Variants in WDR64 observed in about 807,000 individuals in gnomAD.
WDR64 encodes the protein WD repeat-containing protein 64.
WDR64 carries 112 observed loss-of-function variants against 139.3 expected under a neutral mutation model. The observed-to-expected ratio is 0.80, with a 90% CI of 0.69 to 0.94. The LOEUF is 0.94. Among genes scored for constraint, WDR64 ranks in the 40% least tolerant of loss-of-function variants. The pLI, the probability that WDR64 is intolerant of heterozygous loss-of-function variation, is 0.00. For missense variants in WDR64, 1,206 were observed against 1,293.1 expected, an observed-to-expected ratio of 0.93 and a Z score of 1.03; for synonymous variants, 444 against 437.7, an observed-to-expected ratio of 1.01 and a Z score of -0.18.
Position 241,741,517 on chromosome 1 carries a change from A to C in WDR64, c.1323A>C (p.Gly441=). 1 of 1,600,594 alleles carries C rather than the reference A, an allele frequency of 6.2e-7. No individual in the cohort carries two copies. The highest frequency in any genetic ancestry group is 1.8e-5 in the Admixed American group (1 of 56,390). Residue 441 remains glycine (G), a splice_region_variant and synonymous_variant, in exon 12 of 28, where the codon GGA becomes GGC. Coordinates refer to ENST00000437684, the MANE Select transcript of WDR64 (RefSeq NM_001367482.1). ...ATGAGATTCTTACTTCTGTTCCAGG[A>C]TCTAGTGTTATGGACATGTATCCTT... ...YDANHGMLIT[G]SSVMDMYPLT...
chr1:241,760,924 C>T (rs1219777279), intron 15 of WDR64, among the ~76,000 whole-genome samples: 2 of 151,914 alleles, frequency 1.3e-5, no homozygotes, highest in Non-Finnish European at 1.5e-5. Flanking sequence ...CACCACCACG[C>T]CCGGCTAGTT....
chr1:241,744,523 C>T lies in WDR64; in HGVS notation c.1594+7C>T, dbSNP rs1477991147. ...GCCACAGGAGCGTATAATGGTCAGA[C>T]TAACATCCAGAATGTGGCGTCCCTG... is the stretch of plus-strand genomic sequence containing the variant. On this transcript the variant is annotated splice_region_variant and intron_variant, in intron 13 of 27. Transcript: ENST00000437684. 4 of 1,612,392 alleles carry T rather than the reference C, an allele frequency of 2.5e-6. No homozygotes were observed. In the East Asian group the frequency reaches 8.9e-5, roughly 36 times the overall value.
chr1:241,694,686 T>C (rs1277228530), intron 8 of WDR64, among the ~76,000 whole-genome samples: 2 of 152,196 alleles, frequency 1.3e-5, no homozygotes, highest in Non-Finnish European at 2.9e-5. Context: ...AGAAGACATA[T>C]TCTACTTCAA....
chr1:241,762,496 T>C (rs1416549248), intron 15 of WDR64, among the ~76,000 whole-genome samples: 3 of 152,310 alleles, frequency 2.0e-5, no homozygotes, highest in Non-Finnish European at 2.9e-5. Flanking sequence ...AAACTGTACC[T>C]TTTTGTTCCC....
chr1:241,673,831 T>A (rs947461784), intron 3 of WDR64, among the ~76,000 whole-genome samples: 1 of 152,218 alleles, frequency 6.6e-6, no homozygotes, highest in Non-Finnish European at 1.5e-5. Flanking sequence ...AGTCTTTTTT[T>A]TTCAAAATGC....
intron 8 of WDR64, among the ~76,000 whole-genome samples, chr1:241,696,729 C>T (rs564440786): frequency 6.6e-6 from 1 of 152,096 alleles, no homozygotes; most frequent in African/African-American, 2.4e-5. Flanking sequence ...GTGAGGATGA[C>T]CAGAGGTCAC....
chr1:241,795,191 T>A lies in WDR64; in HGVS notation c.2998-16T>A, dbSNP rs760609336. The A allele has an allele frequency of 2.5e-6, 4 of 1,611,912 alleles. No homozygotes were observed. Among genetic ancestry groups the A allele is most frequent in the East Asian group, 4.5e-5 (2 of 44,810 alleles). Reference sequence around the variant, plus strand: ...ATGTGCCCCTTTCATTAAACATTCATCCCTTTGTTTTGCAGATTCGAAGAT... The same window carrying A: ...ATGTGCCCCTTTCATTAAACATTCAACCCTTTGTTTTGCAGATTCGAAGAT... On this transcript the variant is annotated splice_polypyrimidine_tract_variant and intron_variant, in intron 25 of 27. Coordinates refer to ENST00000437684, the MANE Select transcript of WDR64 (RefSeq NM_001367482.1).
Position 241,801,756 on chromosome 1 carries a change from C to T in WDR64, c.*541C>T, listed in dbSNP as rs1659530031. ...GAAATTATTTCTATGTAGTCCAGACCTGACTCCAGATAAATATAAAAGACG... is the reference window on the plus strand; with the variant it reads ...GAAATTATTTCTATGTAGTCCAGACTTGACTCCAGATAAATATAAAAGACG... On this transcript the variant is annotated 3_prime_UTR_variant, in exon 28 of 28. Transcript: ENST00000437684. The T allele has an allele frequency of 5.0e-6, 2 of 398,072 alleles. No homozygotes were observed. The highest frequency in any genetic ancestry group is 1.3e-4 in the South Asian group (1 of 7,850). 24.7% of individuals were successfully genotyped at this position (398,072 alleles called of 1,614,324 possible). A position where few individuals can be genotyped will look rare whatever the true frequency, so the allele number is the denominator to read the frequency against.
chr1:241,661,766 G>A (rs1347215015), intron 2 of WDR64, among the ~76,000 whole-genome samples: 1 of 152,140 alleles, frequency 6.6e-6, no homozygotes, highest in African/African-American at 2.4e-5. Flanking sequence ...AACAAGTCAG[G>A]GGAGAAAAAA....
chr1:241,796,050 C>T (rs1305094455), intron 26 of WDR64, among the ~76,000 whole-genome samples: 1 of 151,944 alleles, frequency 6.6e-6, no homozygotes, highest in African/African-American at 2.4e-5. Context: ...AAATTTGAGA[C>T]CAGCCTGGGC....
At chr1:241,657,596 C>T (rs1665659783) in intron 1 of WDR64, among the ~76,000 whole-genome samples, 1 of 152,138 alleles carries the variant, frequency 6.6e-6, no homozygotes, top group African/African-American at 2.4e-5. Context: ...TTCTATGTGG[C>T]TGACCCTTTT....
At chr1:241,768,522 C>T (rs549597604) in intron 16 of WDR64, among the ~76,000 whole-genome samples, 8 of 152,312 alleles carry the variant, frequency 5.3e-5, no homozygotes, top group African/African-American at 1.7e-4. Flanking sequence ...TAATAATCCA[C>T]TTCATGATTC....
chr1:241,668,520 C>T (rs1474242641), intron 2 of WDR64, among the ~76,000 whole-genome samples: 3 of 152,052 alleles, frequency 2.0e-5, no homozygotes, highest in Non-Finnish European at 4.4e-5. Context: ...ATATAACTTT[C>T]CCAGCAAAGT....
chr1:241,761,672 T>C (rs944981728), intron 15 of WDR64, among the ~76,000 whole-genome samples: 1 of 152,128 alleles, frequency 6.6e-6, no homozygotes, highest in Non-Finnish European at 1.5e-5. Flanking sequence ...CACAGTAAAA[T>C]TTCTTTCAAA....
chr1:241,661,876 G>T (rs1470715364), intron 2 of WDR64, among the ~76,000 whole-genome samples: 1 of 152,204 alleles, frequency 6.6e-6, no homozygotes, highest in Non-Finnish European at 1.5e-5. Context: ...CTGGAACACA[G>T]CAATGCTCAC....
At chr1:241,681,166 G>T (rs1666775841) in intron 6 of WDR64, among the ~76,000 whole-genome samples, 1 of 151,746 alleles carries the variant, frequency 6.6e-6, no homozygotes, top group Middle Eastern at 3.4e-3. Context: ...GTGGTATTTG[G>T]TTACATGAGT....
At chr1:241,706,779 A>G (rs1437273496) in intron 8 of WDR64, among the ~76,000 whole-genome samples, 1 of 152,174 alleles carries the variant, frequency 6.6e-6, no homozygotes, top group Non-Finnish European at 1.5e-5. Context: ...AATTTTTAAA[A>G]ATCAAATTTT....
At position 241,728,158 on chromosome 1, in the gene WDR64, C is replaced by T. The variant is rs567026497; in HGVS notation, c.1194+4722C>T. On this transcript the variant is annotated intron_variant, in intron 10 of 27. Coordinates refer to ENST00000437684, the MANE Select transcript of WDR64 (RefSeq NM_001367482.1). Reference sequence around the variant, plus strand: ...GATCAGCCTGGCCAACATGGTGGAACCCTGTCACTACTAAAACTACAAAAA... The same window carrying T: ...GATCAGCCTGGCCAACATGGTGGAATCCTGTCACTACTAAAACTACAAAAA... 3.3e-5 allele frequency among the ~76,000 whole-genome samples: 5 copies of T among 152,038 alleles called. No individual in the cohort carries two copies. The East Asian group carries it at 9.7e-4, about 29-fold the overall frequency.
At chr1:241,765,556 G>A (rs974082904) in intron 15 of WDR64, among the ~76,000 whole-genome samples, 3 of 152,284 alleles carry the variant, frequency 2.0e-5, no homozygotes, top group Non-Finnish European at 2.9e-5. Flanking sequence ...GAAGGGGAGA[G>A]CAACTGAGAG....
Sources: allele counts gnomAD v4.1 joint callset (sites outside exome capture counted in the v4.1 genomes callset), GRCh38; gene constraint gnomAD v4.1.1; transcripts MANE v1.5; gene names NCBI Gene and HGNC (gene_info 2026-07-23, HGNC 2026-07-21).